MCC: variants seen among roughly 807,000 people sequenced by gnomAD.
The protein encoded by MCC is colorectal mutant cancer protein.
In MCC, 90 loss-of-function variants were observed where a neutral mutation model predicts 116.2. The ratio of observed to expected loss-of-function variants is 0.77; its 90% confidence interval spans 0.65 to 0.92. The LOEUF is 0.92. Among genes scored for constraint, MCC ranks in the 40% least tolerant of loss-of-function variants. MCC has a pLI of 0.00. For missense variants in MCC, 1,516 were observed against 1,312.2 expected, an observed-to-expected ratio of 1.16 and a Z score of -2.40; for synonymous variants, 578 against 510.5, an observed-to-expected ratio of 1.13 and a Z score of -1.78.
intron 3 of MCC, among the ~76,000 whole-genome samples, chr5:113,161,628 G>A (rs1760491355): frequency 4.7e-4 from 1 of 2,150 alleles, no homozygotes; most frequent in Admixed American, 0.038. Flanking sequence ...TTATGTGTGT[G>A]TGTGTGTGTG....
intron 11 of MCC, among the ~76,000 whole-genome samples, chr5:113,076,720 GA>G (rs1273696520): frequency 2.6e-5 from 4 of 152,226 alleles, no homozygotes; most frequent in Non-Finnish European, 5.9e-5. Context: ...AAATTGTAAA[GA>G]CCATCAAGGC....
chr5:113,308,199 A>G (rs1047454077), intron 3 of MCC, among the ~76,000 whole-genome samples: 1 of 152,078 alleles, frequency 6.6e-6, no homozygotes, highest in African/African-American at 2.4e-5. Flanking sequence ...GTGCCTGTCT[A>G]AATCTTAACA....
At chr5:113,446,006 C>T (rs904745588) in intron 1 of MCC, among the ~76,000 whole-genome samples, 33 of 152,274 alleles carry the variant, frequency 2.2e-4, no homozygotes, top group Middle Eastern at 3.4e-3. Flanking sequence ...GGAAAGGACT[C>T]TATTCAATAA....
chr5:113,222,642 G>T (rs1581271907), intron 3 of MCC, among the ~76,000 whole-genome samples: 1 of 152,326 alleles, frequency 6.6e-6, no homozygotes, highest in East Asian at 1.9e-4. Flanking sequence ...AAGAAGAAGA[G>T]ATTAATTCTC....
chr5:113,389,969 G>A (rs1769363636), intron 1 of MCC, among the ~76,000 whole-genome samples: 1 of 152,058 alleles, frequency 6.6e-6, no homozygotes, highest in African/African-American at 2.4e-5. Context: ...AGAACAGCAG[G>A]ACATTTCTCT....
chr5:113,205,927 G>A (rs1762895372), intron 3 of MCC, among the ~76,000 whole-genome samples: 1 of 152,360 alleles, frequency 6.6e-6, no homozygotes, highest in Non-Finnish European at 1.5e-5. Context: ...CTGAAGCCAT[G>A]CCACAGAGAT....
chr5:113,149,535 G>T (rs1447681581), intron 4 of MCC, among the ~76,000 whole-genome samples: 1 of 152,062 alleles, frequency 6.6e-6, no homozygotes, highest in Non-Finnish European at 1.5e-5. Context: ...TCAGATGCCC[G>T]TCAAATGTGA....
chr5:113,271,543 C>T (rs1339107201), intron 3 of MCC, among the ~76,000 whole-genome samples: 1 of 152,156 alleles, frequency 6.6e-6, no homozygotes, highest in African/African-American at 2.4e-5. Flanking sequence ...CCAGGATTGC[C>T]AGGACTAGCA....
At chr5:113,215,307 A>G (rs1030720312) in intron 3 of MCC, among the ~76,000 whole-genome samples, 4 of 152,236 alleles carry the variant, frequency 2.6e-5, no homozygotes, top group African/African-American at 4.8e-5. Flanking sequence ...GGAGATTAGA[A>G]TGGAACCTTA....
intron 16 of MCC, 69 bp downstream of exon 16, chr5:113,049,024 C>T (rs1196181202): frequency 2.1e-6 from 3 of 1,458,688 alleles, no homozygotes; most frequent in Non-Finnish European, 2.9e-6. Context: ...GAGGTGTGGC[C>T]AGTGGTCACT....
At chr5:113,237,486 G>T (rs1764174964) in intron 3 of MCC, among the ~76,000 whole-genome samples, 1 of 152,182 alleles carries the variant, frequency 6.6e-6, no homozygotes, top group South Asian at 2.1e-4. Flanking sequence ...AAACAAAATG[G>T]CAAGCCAGGA....
intron 2 of MCC, among the ~76,000 whole-genome samples, chr5:113,380,891 G>A (rs554345855): frequency 6.6e-6 from 1 of 152,302 alleles, no homozygotes; most frequent in African/African-American, 2.4e-5. Context: ...GGTAAGTCAG[G>A]GGAGCAAGAT....
chr5:113,184,956 C>T (rs1469419724), intron 3 of MCC, among the ~76,000 whole-genome samples: 2 of 152,142 alleles, frequency 1.3e-5, no homozygotes, highest in Non-Finnish European at 2.9e-5. Context: ...TTGTATTTGT[C>T]TACAAACCCA....
chr5:113,354,782 G>GTATTATTATTATTATTATTAT (rs753455923), intron 2 of MCC, among the ~76,000 whole-genome samples: 11 of 70,804 alleles, frequency 1.6e-4, no homozygotes, highest in African/African-American at 4.4e-4. Flanking sequence ...CATATACCCT[G>GTATTATTATTATTATTATTAT]TATTATTATT....
At chr5:113,340,881 T>C in intron 2 of MCC, 151 bp from the exon 3 acceptor site, 2 of 647,190 alleles carry the variant, frequency 3.1e-6, no homozygotes, top group Non-Finnish European at 2.6e-6. Context: ...AAGCGCTTTC[T>C]CTTTCAAACT....
intron 1 of MCC, among the ~76,000 whole-genome samples, chr5:113,429,328 G>C (rs1450974465): frequency 6.6e-6 from 1 of 152,256 alleles, no homozygotes; most frequent in Non-Finnish European, 1.5e-5. Context: ...GGCACAGGGA[G>C]AAGGTGGGTG....
intron 3 of MCC, among the ~76,000 whole-genome samples, chr5:113,280,962 A>C (rs1766026113): frequency 6.6e-6 from 1 of 152,212 alleles, no homozygotes; most frequent in African/African-American, 2.4e-5. Context: ...GGGCTTCTTC[A>C]GTTCCCTTCC....
intron 3 of MCC, among the ~76,000 whole-genome samples, chr5:113,179,161 T>A (rs1220642947): frequency 1.3e-5 from 2 of 152,230 alleles, no homozygotes; most frequent in African/African-American, 4.8e-5. Context: ...TAAATCCATG[T>A]AATGTTCAGA....
At chr5:113,039,955 G>T (rs556867001) in intron 17 of MCC, among the ~76,000 whole-genome samples, 1 of 151,984 alleles carries the variant, frequency 6.6e-6, no homozygotes, top group Admixed American at 6.6e-5. Flanking sequence ...TAGGACCAAG[G>T]GTGAGAGACA....
Sources: gnomAD v4.1 joint callset for allele counts (sites outside exome capture counted in the v4.1 genomes callset) on GRCh38, gnomAD v4.1.1 for gene constraint, MANE v1.5 for transcripts, NCBI Gene and HGNC (gene_info 2026-07-23, HGNC 2026-07-21) for gene names.